The following TTN variants were observed in gnomAD, a reference collection of about 807,000 sequenced individuals.
The protein encoded by TTN is titin.
Under a neutral mutation model 3,223.0 loss-of-function variants are expected in TTN, and 1,525 were observed. The observed-to-expected ratio is 0.47, with a 90% confidence interval of 0.45 to 0.49. The LOEUF (loss-of-function observed/expected upper bound fraction) is 0.49, where lower values mean the gene tolerates loss of function less well. Among genes scored for constraint, TTN ranks in the 20% least tolerant of loss-of-function variants. The probability of loss-of-function intolerance (pLI) is 0.00; values close to 1 mark genes in which losing one functional copy is unlikely to be tolerated. For missense variants in TTN, 40,786 were observed against 43,424.0 expected, an observed-to-expected ratio of 0.94 and a Z score of 5.40; for synonymous variants, 14,094 against 15,161.0, an observed-to-expected ratio of 0.93 and a Z score of 5.17.
At chr2:178,750,193 G>T (rs1365669681) in intron 47 of TTN, 2 of 1,613,092 alleles carry the variant, frequency 1.2e-6, no homozygotes, top group Non-Finnish European at 1.7e-6. Flanking sequence ...TAGATGGATG[G>T]GCGCCTTTTG....
rs774823994 is a variant in TTN at position 178,750,928 on chromosome 2, A to C, written c.11311+2196T>G. ...TATTTTCATTTACTAGAATTTCACC[A>C]TATAAATGGTCTTTTGGTAGACTTT... is the stretch of plus-strand genomic sequence containing the variant. On this transcript the variant is annotated intron_variant, in intron 47 of 362. Coordinates refer to ENST00000589042, the MANE Select transcript of TTN (RefSeq NM_001267550.2). 5.6e-6 allele frequency: 9 copies of C among 1,612,806 alleles called. No individual in the cohort carries two copies. The Admixed American group carries it at 1.5e-4, about 27-fold the overall frequency.
rs1247668344 is a variant in TTN at position 178,672,285 on chromosome 2, T to A, written c.34931-18A>T. 6.3e-7 allele frequency: 1 copy of A among 1,597,220 alleles called. No individual in the cohort carries two copies. Among genetic ancestry groups the A allele is most frequent in the African/African-American group, 1.4e-5 (1 of 73,702 alleles). ...AGTTCTCCCTGAAAGAGCATCTATT[T>A]TAAGACTTATTTTTTTAAACACTGA... On this transcript the variant is annotated intron_variant, in intron 154 of 362. Coordinates refer to ENST00000589042, the MANE Select transcript of TTN (RefSeq NM_001267550.2).
In TTN at chr2:178,714,252, G is replaced by A. The variant is rs751826427; in HGVS notation, c.26482+40C>T. ...AAAGAAAATACAGATCCTGGTGAGT[G>A]TGTGCCTTGTATCTGTGATAACATC... On this transcript the variant is annotated intron_variant, in intron 91 of 362. Coordinates refer to ENST00000589042, the MANE Select transcript of TTN (RefSeq NM_001267550.2). 3.1e-6 allele frequency: 5 copies of A among 1,600,782 alleles called. No individual in the cohort carries two copies. In the South Asian group the frequency reaches 5.6e-5, roughly 18 times the overall value.
chr2:178,570,690 CT>C lies in TTN; in HGVS notation c.75441del (p.Gly25148ValfsTer11), dbSNP rs1559393341. The part of the protein sequence containing the change: ...GKPIPTIQWI[K>X]GDQELSNTAR... Reference sequence around the variant, plus strand: ...GCTGTGTTTGAAAGCTCCTGATCACCTTTTATCCACTGAATGGTTGGTATTG... The same window carrying C: ...GCTGTGTTTGAAAGCTCCTGATCACCTTTATCCACTGAATGGTTGGTATTG... On this transcript the variant is annotated frameshift_variant, in exon 326 of 363. Coordinates refer to ENST00000589042, the MANE Select transcript of TTN (RefSeq NM_001267550.2). LOFTEE classifies it high-confidence loss of function. 1 of 1,613,510 alleles carries C rather than the reference CT, an allele frequency of 6.2e-7. No homozygotes were observed. The highest frequency in any genetic ancestry group is 8.5e-7 in the Non-Finnish European group (1 of 1,179,596).
chr2:178,648,067 A>C (rs2062305301), intron 213 of TTN, among the ~76,000 whole-genome samples: 1 of 152,122 alleles, frequency 6.6e-6, no homozygotes, highest in Non-Finnish European at 1.5e-5. Context: ...AAAGACCTTA[A>C]ATAATTGCAA....
Position 178,701,173 on chromosome 2 carries a change from G to C in TTN, c.30629C>G (p.Pro10210Arg), listed in dbSNP as rs368306416. 28 of 1,613,474 alleles carry C rather than the reference G, an allele frequency of 1.7e-5. No homozygotes were observed. The highest frequency in any genetic ancestry group is 1.6e-4 in the Middle Eastern group (1 of 6,084). ...TTCTTCGGGTGTTGGTAGCAAAAGG[G>C]GGATAGGAGGAGCAACCACAGGAGG... ...EIPPVVAPPI[P>R]LLLPTPEEKK... The change falls in exon 111 of 363, where the codon CCC becomes CGC. Residue 10210 changes from proline (P) to arginine (R), a missense_variant. Coordinates refer to ENST00000589042, the MANE Select transcript of TTN (RefSeq NM_001267550.2).
chr2:178,544,604 C>G (rs1004172862), intron 344 of TTN, 98 bp from the exon 345 acceptor site: 15 of 959,638 alleles, frequency 1.6e-5, no homozygotes, highest in South Asian at 3.2e-5. Context: ...CATTATTGCT[C>G]TTGTCCACAC....
At position 178,534,213 on chromosome 2, in the gene TTN, T is replaced by A; in HGVS notation, c.102402A>T (p.Glu34134Asp). 1 of 1,613,960 alleles carries A rather than the reference T, an allele frequency of 6.2e-7. No homozygotes were observed. The highest frequency in any genetic ancestry group is 8.5e-7 in the Non-Finnish European group (1 of 1,179,854). The change falls in exon 358 of 363, where the codon GAA becomes GAT. Residue 34134 changes from glutamate (E) to aspartate (D), a missense_variant. By Grantham distance (45) the Glu-to-Asp change is conservative. Transcript: ENST00000589042. ...TTATCTGCCCAGAAACTGGGCCAAT[T>A]TCAATGGATGCCACTTTAACTTTAG... The part of the protein sequence containing the change: ...SVAKVKVASI[E>D]IGPVSGQIMH...
At chr2:178,730,021 T>TCCGCCCCC in intron 62 of TTN, 72 bp downstream of exon 62, 1 of 1,558,142 alleles carries the variant, frequency 6.4e-7, no homozygotes, top group Non-Finnish European at 8.8e-7. Flanking sequence ...GTCTTAAGCG[T>TCCGCCCCC]CCCCCGCCCC....
chr2:178,778,670 A>T, intron 24 of TTN: 2 of 649,680 alleles, frequency 3.1e-6, no homozygotes, highest in Non-Finnish European at 5.2e-6. Flanking sequence ...GAAAATAAAC[A>T]GTATGTTACA....
In TTN at chr2:178,566,286, A is replaced by G. The variant is rs1705818116; in HGVS notation, c.79846T>C (p.Phe26616Leu). 1 of 1,613,636 alleles carries G rather than the reference A, an allele frequency of 6.2e-7. No individual in the cohort carries two copies. The highest frequency in any genetic ancestry group is 1.1e-5 in the South Asian group (1 of 91,078). Residue 26616 changes from phenylalanine to leucine, a missense_variant, in exon 326 of 363, where the codon TTC becomes CTC. Transcript: ENST00000589042. The part of the protein sequence containing the change: ...AGGSARIHIP[F>L]KGRPTPEITW... ...ATCTCAGGCGTTGGACGACCTTTGA[A>G]TGGAATGTGAATTCTGGCAGATCCA... is the stretch of plus-strand genomic sequence containing the variant.
At chr2:178,778,587 C>T in intron 24 of TTN, 2 of 429,200 alleles carry the variant, frequency 4.7e-6, no homozygotes, top group South Asian at 2.3e-5. Context: ...TATTGCAGGG[C>T]TGTTGTATAA....
At position 178,562,811 on chromosome 2, in the gene TTN, G is replaced by A. The variant is rs1704174371; in HGVS notation, c.83321C>T (p.Thr27774Ile). The change falls in exon 326 of 363, where the codon ACC becomes ATC. Residue 27774 changes from threonine (T) to isoleucine (I), a missense_variant. Physicochemically the swap from Thr to Ile is moderately conservative, Grantham distance 89. Transcript: ENST00000589042. ...LDSPSAPVNLTIREVKKDSVT... is the reference protein window; with the variant it reads ...LDSPSAPVNLIIREVKKDSVT... ...TGAGTCTTTCTTCACTTCTCTTATG[G>A]TCAAATTCACAGGGGCACTTGGTGA... The A allele has an allele frequency of 6.2e-7, 1 of 1,612,982 alleles. No homozygotes were observed. The highest frequency in any genetic ancestry group is 1.7e-5 in the Admixed American group (1 of 59,900).
In TTN at chr2:178,717,806, G is replaced by A; in HGVS notation, c.25068C>T (p.Arg8356=). ...TTCTTGCAAAGAAAGGTGGAAGTTT[G>A]CGCGCTGTAAAGAAGTTACAGATAA... ...ASSAVLVIKA[R]KLPPFFARKL... Residue 8356 remains arginine (R), a synonymous_variant, in exon 87 of 363, where the codon CGC becomes CGT. Coordinates refer to ENST00000589042, the MANE Select transcript of TTN (RefSeq NM_001267550.2). The A allele has an allele frequency of 6.2e-7, 1 of 1,605,126 alleles. No individual in the cohort carries two copies. The highest frequency in any genetic ancestry group is 8.5e-7 in the Non-Finnish European group (1 of 1,175,418).
chr2:178,580,958 G>A (rs139453164), intron 316 of TTN: 1 of 211,716 alleles, frequency 4.7e-6, no homozygotes, highest in African/African-American at 2.3e-5. Context: ...TTCCATGAAG[G>A]TATTCTGCCA....
chr2:178,696,751 A>G (rs945506075), intron 113 of TTN, among the ~76,000 whole-genome samples: 2 of 152,168 alleles, frequency 1.3e-5, no homozygotes, highest in Admixed American at 1.3e-4. Context: ...ATTTAAAATT[A>G]TGTAACCAAG....
chr2:178,711,191 T>C lies in TTN; in HGVS notation c.28045A>G (p.Thr9349Ala). ...KPLKDSPNVQTSFLDNTATLN... is the reference protein window; with the variant it reads ...KPLKDSPNVQASFLDNTATLN... Reference sequence around the variant, plus strand: ...GTGGCTGTATTGTCTAAAAATGATGTTTGTACATTTGGGCTGTCTTTCAAT... The same window carrying C: ...GTGGCTGTATTGTCTAAAAATGATGCTTGTACATTTGGGCTGTCTTTCAAT... The change falls in exon 97 of 363, where the codon ACA becomes GCA. Residue 9349 changes from threonine to alanine, a missense_variant. Physicochemically the swap from Thr to Ala is moderately conservative, Grantham distance 58. Transcript: ENST00000589042. 1 of 1,613,784 alleles carries C rather than the reference T, an allele frequency of 6.2e-7. No homozygotes were observed. The highest frequency in any genetic ancestry group is 8.5e-7 in the Non-Finnish European group (1 of 1,179,766).
rs1242020329 is a variant in TTN at position 178,777,208 on chromosome 2, AGGGTTG to A, written c.4749_4754del (p.Asn1584_Pro1585del). The A allele has an allele frequency of 1.2e-6, 2 of 1,614,022 alleles. No homozygotes were observed. Among genetic ancestry groups the A allele is most frequent in the Non-Finnish European group, 1.7e-6 (2 of 1,179,992 alleles). On this transcript the variant is annotated inframe_deletion, in exon 27 of 363. Coordinates refer to ENST00000589042, the MANE Select transcript of TTN (RefSeq NM_001267550.2). ...CACTGTTTTTCAACCATACAATGTC[AGGGTTG>A]GGGTTACCCGTAGCTCTGACTTTCA...
In TTN at chr2:178,581,708, G is replaced by C; in HGVS notation, c.66560C>G (p.Pro22187Arg). The C allele has an allele frequency of 6.2e-7, 1 of 1,611,318 alleles. No individual in the cohort carries two copies. The highest frequency in any genetic ancestry group is 8.5e-7 in the Non-Finnish European group (1 of 1,178,682). The change falls in exon 316 of 363, where the codon CCT becomes CGT. Residue 22187 changes from proline (P) to arginine (R), a missense_variant. Coordinates refer to ENST00000589042, the MANE Select transcript of TTN (RefSeq NM_001267550.2). ...WGKPAYDGGSPIIGYLVEVKR... is the reference protein window; with the variant it reads ...WGKPAYDGGSRIIGYLVEVKR... Reference sequence around the variant, plus strand: ...TACTTCAACGAGATAACCAATGATAGGGCTGCCGCCGTCATAGGCTGGCTT... The same window carrying C: ...TACTTCAACGAGATAACCAATGATACGGCTGCCGCCGTCATAGGCTGGCTT...
Sources: allele counts gnomAD v4.1 joint callset (sites outside exome capture counted in the v4.1 genomes callset), GRCh38; gene constraint gnomAD v4.1.1; transcripts MANE v1.5; gene names NCBI Gene and HGNC (gene_info 2026-07-23, HGNC 2026-07-21).